CSMD1: variants seen among roughly 807,000 people sequenced by gnomAD.
CSMD1 encodes the protein CUB and Sushi multiple domains 1, also known as CUB and sushi domain-containing protein 1.
Under a neutral mutation model 417.5 loss-of-function variants are expected in CSMD1, and 213 were observed. The ratio of observed to expected loss-of-function variants is 0.51; its 90% CI spans 0.46 to 0.57. The LOEUF (loss-of-function observed/expected upper bound fraction) is 0.57. Among genes scored for constraint, CSMD1 ranks in the 20% least tolerant of loss-of-function variants. The probability of loss-of-function intolerance (pLI) is 0.00; values close to 1 mark genes in which losing one functional copy is unlikely to be tolerated. For synonymous variants in CSMD1, 2,862 were observed against 1,736.8 expected, an observed-to-expected ratio of 1.65 and a Z score of -16.11; for missense variants, 6,923 against 4,529.7, an observed-to-expected ratio of 1.53 and a Z score of -15.17.
Position 4,675,083 on chromosome 8 carries a change from T to C in CSMD1, c.86-37525A>G, listed in dbSNP as rs557488930. 1.5e-3 allele frequency among the ~76,000 whole-genome samples: 226 copies of C among 152,318 alleles called. 1 individual carries two copies. The highest frequency in any genetic ancestry group is 2.4e-3 in the Non-Finnish European group (164 of 68,026). ...CAGAACTGCGAGGAATAAATTCTTG[T>C]TGTTTAAGCCACCCAATCCATGGTA... On this transcript the variant is annotated intron_variant, in intron 1 of 69. Transcript: ENST00000635120.
intron 5 of CSMD1, among the ~76,000 whole-genome samples, chr8:3,974,895 A>G (rs1419501159): frequency 1.3e-5 from 2 of 151,090 alleles, no homozygotes; most frequent in Admixed American, 1.3e-4. Context: ...AAAATAACAT[A>G]TATTTTTATC....
chr8:3,592,619 G>C (rs1800899319), intron 8 of CSMD1, among the ~76,000 whole-genome samples: 1 of 152,124 alleles, frequency 6.6e-6, no homozygotes. Flanking sequence ...GCTGTGAGCA[G>C]GAGGAAGGGT....
chr8:4,074,043 AT>A (rs1313244841), intron 3 of CSMD1, among the ~76,000 whole-genome samples: 1 of 152,098 alleles, frequency 6.6e-6, no homozygotes, highest in Non-Finnish European at 1.5e-5. Flanking sequence ...GCTTTTAGAC[AT>A]TTAGTTTTGT....
rs4433166 is a variant in CSMD1 at position 4,928,566 on chromosome 8, C to G, written c.85+65766G>C. Among the ~76,000 whole-genome samples the G allele has an allele frequency of 2.5e-3, 380 of 152,254 alleles. 1 individual carries two copies. Among genetic ancestry groups the G allele is most frequent in the African/African-American group, 8.8e-3 (364 of 41,558 alleles). On this transcript the variant is annotated intron_variant, in intron 1 of 69. Transcript: ENST00000635120. ...AATAACAATTCTAATTCCAGTCTTG[C>G]AGATGTGCACGATCATTTACGAAAG...
At chr8:4,179,738 A>T (rs1249531664) in intron 3 of CSMD1, among the ~76,000 whole-genome samples, 2 of 71,056 alleles carry the variant, frequency 2.8e-5, no homozygotes, top group Non-Finnish European at 5.3e-5. Context: ...ACAAGAAAAA[A>T]ACAAACAACC....
chr8:3,170,231 G>A (rs575452941), intron 37 of CSMD1, among the ~76,000 whole-genome samples: 44 of 151,852 alleles, frequency 2.9e-4, no homozygotes, highest in Middle Eastern at 3.4e-3. Flanking sequence ...TTTTTGAGAC[G>A]GAGTCTCGCT....
chr8:4,524,292 G>T (rs1042136273), intron 2 of CSMD1, among the ~76,000 whole-genome samples: 1 of 151,550 alleles, frequency 6.6e-6, no homozygotes, highest in Admixed American at 6.6e-5. Flanking sequence ...GGACAAATAT[G>T]TGTTAACAAC....
chr8:4,506,578 G>A (rs552501901), intron 2 of CSMD1, among the ~76,000 whole-genome samples: 2 of 152,204 alleles, frequency 1.3e-5, no homozygotes, highest in African/African-American at 4.8e-5. Flanking sequence ...ACACGGAGAG[G>A]AAGTCACTAC....
intron 3 of CSMD1, among the ~76,000 whole-genome samples, chr8:4,208,954 C>A (rs185024889): frequency 1.3e-5 from 2 of 152,154 alleles, no homozygotes; most frequent in African/African-American, 4.8e-5. Flanking sequence ...CTTTGCAGTA[C>A]GCAATTTAGA....
chr8:4,615,180 T>C (rs1801405311), intron 2 of CSMD1, among the ~76,000 whole-genome samples: 1 of 152,142 alleles, frequency 6.6e-6, no homozygotes, highest in Non-Finnish European at 1.5e-5. Context: ...TTATCGCCCT[T>C]ACACTCTCCA....
intron 68 of CSMD1, among the ~76,000 whole-genome samples, chr8:2,948,038 C>T (rs1802371035): frequency 6.6e-6 from 1 of 151,072 alleles, no homozygotes; most frequent in Non-Finnish European, 1.5e-5. Context: ...CAAAATTGTA[C>T]ACTCACATTC....
At chr8:4,034,613 G>A (rs544464907) in intron 3 of CSMD1, among the ~76,000 whole-genome samples, 1 of 152,118 alleles carries the variant, frequency 6.6e-6, no homozygotes, top group Admixed American at 6.5e-5. Context: ...GCTGAGCCGA[G>A]AGCTCTTACA....
chr8:3,760,996 A>G (rs959985437), intron 5 of CSMD1, among the ~76,000 whole-genome samples: 1 of 152,178 alleles, frequency 6.6e-6, no homozygotes, highest in African/African-American at 2.4e-5. Flanking sequence ...TGCAATCCAA[A>G]TGATTTGTAC....
chr8:4,794,791 G>C (rs1797885534), intron 1 of CSMD1, among the ~76,000 whole-genome samples: 1 of 152,188 alleles, frequency 6.6e-6, no homozygotes, highest in Non-Finnish European at 1.5e-5. Context: ...CTCTGAAGTA[G>C]TTTGAATAGA....
chr8:4,676,360 C>G (rs1438011285), intron 1 of CSMD1, among the ~76,000 whole-genome samples: 1 of 152,184 alleles, frequency 6.6e-6, no homozygotes, highest in African/African-American at 2.4e-5. Flanking sequence ...AACTGCACCA[C>G]TGCCCTAATA....
chr8:3,033,408 T>C (rs75459557), intron 50 of CSMD1, among the ~76,000 whole-genome samples: 2 of 152,098 alleles, frequency 1.3e-5, no homozygotes, highest in African/African-American at 4.8e-5. Flanking sequence ...CAAGCTGTAG[T>C]ATCAATTGTA....
chr8:2,954,789 C>T (rs773930111), intron 64 of CSMD1, among the ~76,000 whole-genome samples: 7 of 152,154 alleles, frequency 4.6e-5, no homozygotes, highest in East Asian at 3.8e-4. Context: ...GATCAAACTA[C>T]GAATTACCAT....
intron 7 of CSMD1, among the ~76,000 whole-genome samples, chr8:3,678,325 T>C (rs1472553936): frequency 1.3e-5 from 2 of 152,062 alleles, no homozygotes; most frequent in Admixed American, 1.3e-4. Context: ...GAATAACCAA[T>C]GCAGAGAAGT....
chr8:3,624,418 A>G (rs1314433537), intron 7 of CSMD1, among the ~76,000 whole-genome samples: 2 of 152,248 alleles, frequency 1.3e-5, no homozygotes, highest in African/African-American at 4.8e-5. Flanking sequence ...TGGAATAAAT[A>G]AACCAATATA....
Sources: gnomAD v4.1 joint callset for allele counts (sites outside exome capture counted in the v4.1 genomes callset) on GRCh38, gnomAD v4.1.1 for gene constraint, MANE v1.5 for transcripts, NCBI Gene and HGNC (gene_info 2026-07-23, HGNC 2026-07-21) for gene names.